The following FLOT2 variants were observed in gnomAD, a reference collection of about 807,000 sequenced individuals.
The protein encoded by FLOT2 is flotillin 2, also known as flotillin-2.
FLOT2 carries 35 observed loss-of-function variants against 54.9 expected under a neutral mutation model. The ratio of observed to expected loss-of-function variants is 0.64; its 90% CI spans 0.49 to 0.84. The LOEUF (loss-of-function observed/expected upper bound fraction) is 0.84, where lower values mean the gene tolerates loss of function less well. Ranked by LOEUF, FLOT2 falls within the 40% of genes least tolerant of loss-of-function variation. The probability of loss-of-function intolerance (pLI) is 0.00; values close to 1 mark genes in which losing one functional copy is unlikely to be tolerated. For missense variants in FLOT2, 464 were observed against 572.1 expected (o/e 0.81, Z 1.93); for synonymous variants, 207 against 228.9 (o/e 0.90, Z 0.86).
chr17:28,884,085 G>C lies in FLOT2; in HGVS notation c.222+140C>G, dbSNP rs906286037. ...TGTTCCAGTGGCGACGACCTGACTA[G>C]CCCTCTCTTGTGGGACTTGCGGGGG... On this transcript the variant is annotated intron_variant, in intron 3 of 10. Transcript: ENST00000394908. This position sits in a 1 kb window ranked among gnomAD's most constrained non-coding sequence, Gnocchi z 5.1. 1.4e-6 allele frequency: 1 copy of C among 709,054 alleles called. No individual in the cohort carries two copies. The highest frequency in any genetic ancestry group is 2.5e-6 in the Non-Finnish European group (1 of 398,812). 43.9% of individuals were successfully genotyped at this position (709,054 alleles called of 1,614,324 possible). A position where few individuals can be genotyped will look rare whatever the true frequency, so the allele number is the denominator to read the frequency against.
At chr17:28,891,613 G>T (rs2039652409) in intron 1 of FLOT2, among the ~76,000 whole-genome samples, 1 of 152,226 alleles carries the variant, frequency 6.6e-6, no homozygotes, top group Admixed American at 6.5e-5. Flanking sequence ...CAGTACAGCA[G>T]CCTCTAGCAA....
In FLOT2 at chr17:28,897,694, C is replaced by G; in HGVS notation, c.-120G>C. The stretch of plus-strand genomic sequence containing the variant: ...CCCAGCGGCCGGCCGCCCGCTCGCT[C>G]GCCCGCGCCCCTCTGCGGTCGCAGC... On this transcript the variant is annotated 5_prime_UTR_variant, in exon 1 of 11. Coordinates refer to ENST00000394908, the MANE Select transcript of FLOT2 (RefSeq NM_004475.3). The surrounding 1 kb of genome is among the most constrained non-coding windows in gnomAD (Gnocchi z 4.4). 1.1e-6 allele frequency: 1 copy of G among 901,362 alleles called. No homozygotes were observed. Among genetic ancestry groups the G allele is most frequent in the Non-Finnish European group, 1.5e-6 (1 of 678,066 alleles). The allele number at this position is 901,362 out of a possible 1,614,324, so 55.8% of individuals were successfully genotyped here. A position where few individuals can be genotyped will look rare whatever the true frequency, so the allele number is the denominator to read the frequency against.
intron 1 of FLOT2, among the ~76,000 whole-genome samples, chr17:28,893,849 A>G (rs2039693771): frequency 6.6e-6 from 1 of 152,230 alleles, no homozygotes; most frequent in Non-Finnish European, 1.5e-5. Context: ...CTACCAGTGC[A>G]TGAAACCCCT....
At chr17:28,881,788 G>C (rs745750776) in intron 8 of FLOT2, 26 bp downstream of exon 8, 1 of 1,607,424 alleles carries the variant, frequency 6.2e-7, no homozygotes, top group African/African-American at 1.3e-5. Flanking sequence ...ACTAAGCCCT[G>C]ACCCCGGCAC....
chr17:28,895,568 A>T (rs897613146), intron 1 of FLOT2, among the ~76,000 whole-genome samples: 8 of 152,170 alleles, frequency 5.3e-5, no homozygotes, highest in Admixed American at 4.6e-4. Context: ...CGGCCAATAG[A>T]TTTTCAAGGT....
At chr17:28,894,025 C>T (rs8066584) in intron 1 of FLOT2, among the ~76,000 whole-genome samples, 36,824 of 152,138 alleles carry the variant, frequency 0.24, 4,542 homozygotes, top group African/African-American at 0.28. Flanking sequence ...TTCTACAACT[C>T]AGTATCTGAG....
chr17:28,885,512 C>G (rs1357285707), intron 2 of FLOT2: 2 of 702,066 alleles, frequency 2.8e-6, no homozygotes, highest in Non-Finnish European at 5.3e-6. Context: ...CCACACATGA[C>G]AGAGTAAGCA....
chr17:28,879,390 G>C lies in FLOT2; in HGVS notation c.*1171C>G. The C allele has an allele frequency of 1.0e-6, 1 of 988,222 alleles. No individual in the cohort carries two copies. The highest frequency in any genetic ancestry group is 1.7e-5 in the African/African-American group (1 of 57,406). The allele number at this position is 988,222 out of a possible 1,614,324, so 61.2% of individuals were successfully genotyped here. On this transcript the variant is annotated 3_prime_UTR_variant, in exon 11 of 11. Transcript: ENST00000394908. The stretch of plus-strand genomic sequence containing the variant: ...CAGAAGGGACAGGCAGTGGGGCAGT[G>C]CAACATCCAAGCCCCAGACCAGACA...
chr17:28,886,065 G>GGGGGGGGGGGGGGT, intron 2 of FLOT2: 1 of 596,208 alleles, frequency 1.7e-6, no homozygotes, highest in South Asian at 1.6e-5. Flanking sequence ...GGGCGGGGGG[G>GGGGGGGGGGGGGGT]GGCATGCTGT....
At chr17:28,894,726 C>T (rs1237853212) in intron 1 of FLOT2, among the ~76,000 whole-genome samples, 2 of 120,606 alleles carry the variant, frequency 1.7e-5, no homozygotes, top group African/African-American at 3.3e-5. Context: ...CCTGGGAGGT[C>T]GAGGCTGCAG....
Position 28,897,714 on chromosome 17 carries a change from C to CG in FLOT2, c.-141dup, listed in dbSNP as rs2039769274. On this transcript the variant is annotated 5_prime_UTR_variant, in exon 1 of 11. Transcript: ENST00000394908. The surrounding 1 kb of genome is among the most constrained non-coding windows in gnomAD (Gnocchi z 4.4). ...TCGCTCGCCCGCGCCCCTCTGCGGT[C>CG]GCAGCCCCGCCGGAAGTGTGGCGGC... 3 of 656,412 alleles carry CG rather than the reference C, an allele frequency of 4.6e-6. No homozygotes were observed. Among genetic ancestry groups the CG allele is most frequent in the Non-Finnish European group, 6.5e-6 (3 of 464,922 alleles). 40.7% of individuals were successfully genotyped at this position (656,412 alleles called of 1,614,324 possible).
At chr17:28,886,891 G>A (rs1380478550) in intron 2 of FLOT2, among the ~76,000 whole-genome samples, 1 of 152,196 alleles carries the variant, frequency 6.6e-6, no homozygotes, top group Non-Finnish European at 1.5e-5. Context: ...CCATGCAGAT[G>A]TGCAAAAGTT....
chr17:28,882,552 C>T lies in FLOT2; in HGVS notation c.465+21G>A. The T allele has an allele frequency of 6.3e-7, 1 of 1,590,906 alleles. No homozygotes were observed. The highest frequency in any genetic ancestry group is 1.3e-5 in the African/African-American group (1 of 74,592). ...TCTCCCAGATGGACGCCAGGAGATA[C>T]AGCTTCCCATCACGTCGTACCTTGA... On this transcript the variant is annotated intron_variant, in intron 5 of 10. Coordinates refer to ENST00000394908, the MANE Select transcript of FLOT2 (RefSeq NM_004475.3). The surrounding 1 kb of genome is among the most constrained non-coding windows in gnomAD (Gnocchi z 5.6).
intron 1 of FLOT2, among the ~76,000 whole-genome samples, chr17:28,894,774 G>T (rs2039714566): frequency 6.7e-6 from 1 of 149,204 alleles, no homozygotes. Flanking sequence ...AGTAGCCTGG[G>T]TGACAGAGCA....
intron 1 of FLOT2, among the ~76,000 whole-genome samples, chr17:28,894,902 T>C (rs988262317): frequency 9.0e-6 from 1 of 111,724 alleles, no homozygotes; most frequent in East Asian, 3.2e-4. Context: ...TCAAGAATAT[T>C]TGTTTATTAT....
At chr17:28,887,136 A>G (rs1406401087) in intron 2 of FLOT2, among the ~76,000 whole-genome samples, 2 of 152,126 alleles carry the variant, frequency 1.3e-5, no homozygotes, top group African/African-American at 4.8e-5. Flanking sequence ...GCCTCGGGAT[A>G]GTATAGGATG....
intron 10 of FLOT2, 45 bp downstream of exon 10, chr17:28,880,668 G>A (rs547066451): frequency 6.8e-5 from 109 of 1,613,886 alleles, no homozygotes; most frequent in Admixed American, 3.8e-4. Context: ...GGGCCAGTCC[G>A]ACGGGCTACC....
chr17:28,883,795 G>A lies in FLOT2; in HGVS notation c.222+430C>T, dbSNP rs2039495873. On this transcript the variant is annotated intron_variant, in intron 3 of 10. Transcript: ENST00000394908. This position sits in a 1 kb window ranked among gnomAD's most constrained non-coding sequence, Gnocchi z 5.0. Reference sequence around the variant, plus strand: ...GCCCTCACCTAGGCCCTCAGCAGGGGATATGATGCAGCCTCCGACTCCCAG... The same window carrying A: ...GCCCTCACCTAGGCCCTCAGCAGGGAATATGATGCAGCCTCCGACTCCCAG... 6.6e-6 allele frequency among the ~76,000 whole-genome samples: 1 copy of A among 152,078 alleles called. No individual in the cohort carries two copies. The highest frequency in any genetic ancestry group is 1.5e-5 in the Non-Finnish European group (1 of 68,014).
intron 1 of FLOT2, among the ~76,000 whole-genome samples, chr17:28,895,422 C>T (rs1358447274): frequency 2.6e-5 from 4 of 151,784 alleles, no homozygotes; most frequent in African/African-American, 4.8e-5. Flanking sequence ...TCACTATGCC[C>T]GGCTAATTTT....
Sources: gnomAD v4.1 joint callset for allele counts (sites outside exome capture counted in the v4.1 genomes callset) on GRCh38, gnomAD v4.1.1 for gene constraint, Gnocchi (gnomAD v3.1) non-coding constraint, MANE v1.5 for transcripts, NCBI Gene and HGNC (gene_info 2026-07-23, HGNC 2026-07-21) for gene names.